The following TCL1B variants were observed in gnomAD, a reference collection of about 807,000 sequenced individuals.
The protein encoded by TCL1B is TCL1 family AKT coactivator B.
TCL1B carries 14 observed loss-of-function variants against 16.9 expected under a neutral mutation model. The ratio of observed to expected loss-of-function variants is 0.83; its 90% CI spans 0.55 to 1.30. The LOEUF (loss-of-function observed/expected upper bound fraction) is 1.30. TCL1B is among the 50% of genes most tolerant of loss of function. The pLI is 0.00. For missense variants in TCL1B, 166 were observed against 165.2 expected (o/e 1.00, Z -0.03); for synonymous variants, 79 against 66.6 (o/e 1.19, Z -0.91).
At position 95,690,793 on chromosome 14, in the gene TCL1B, C is replaced by T. The variant is rs146645952; in HGVS notation, c.220C>T (p.Leu74Phe). The change falls in exon 2 of 4, where the codon CTC (leucine) becomes TTC (phenylalanine). Residue 74 changes from leucine (L) to phenylalanine (F), a missense_variant. By Grantham distance (22) the Leu-to-Phe change is conservative. Transcript: ENST00000340722. Reference sequence around the variant, plus strand: ...GATGGCAGTGCATACCCGGGAGCTACTCTCCTCCGGCCAGATGCCCTTCTC... The same window carrying T: ...GATGGCAGTGCATACCCGGGAGCTATTCTCCTCCGGCCAGATGCCCTTCTC... ...WQMAVHTREL[L>F]SSGQMPFSQL... is the part of the protein sequence containing the mutation. 55 of 1,614,240 alleles carry T rather than the reference C, an allele frequency of 3.4e-5. 1 individual carries two copies. In the East Asian group the frequency reaches 1.2e-3, roughly 34 times the overall value.
In TCL1B at chr14:95,686,555, A is replaced by T. The variant is rs1438651638; in HGVS notation, c.88A>T (p.Arg30Ter). The stretch of plus-strand genomic sequence containing the variant: ...TGGCATCTACGAAGATGAGGAGGGG[A>T]GAACCTGGGTGACTGTGGTCGTGCG... ...RPGIYEDEEG[R>*]TWVTVVVRFN... Residue 30 changes from arginine (R) to a stop codon, truncating the protein, a stop_gained, in exon 1 of 4, where the codon AGA becomes TGA. Coordinates refer to ENST00000340722, the MANE Select transcript of TCL1B (RefSeq NM_004918.4). LOFTEE classifies it high-confidence loss of function. 1 of 1,613,764 alleles carries T rather than the reference A, an allele frequency of 6.2e-7. No homozygotes were observed. The highest frequency in any genetic ancestry group is 1.7e-5 in the Admixed American group (1 of 60,000).
At position 95,692,092 on chromosome 14, in the gene TCL1B, T is replaced by C. The variant is rs1885899158; in HGVS notation, c.*177T>C. ...CAGTTTCTCTCGTTTTCCTTAGTTA[T>C]CAGTCCTGTCCTGTCCCACTCAGGT... On this transcript the variant is annotated 3_prime_UTR_variant, in exon 4 of 4. Transcript: ENST00000340722. The C allele has an allele frequency of 6.6e-6, 1 of 152,504 alleles. No homozygotes were observed. Among genetic ancestry groups the C allele is most frequent in the African/African-American group, 2.4e-5 (1 of 41,452 alleles). 9.4% of individuals were successfully genotyped at this position (152,504 alleles called of 1,614,324 possible).
At position 95,690,772 on chromosome 14, in the gene TCL1B, G is replaced by T; in HGVS notation, c.199G>T (p.Ala67Ser). Residue 67 changes from alanine (A) to serine (S), a missense_variant, in exon 2 of 4, where the codon GCA (alanine) becomes TCA (serine). Physicochemically the swap from Ala to Ser is moderately conservative, Grantham distance 99. Transcript: ENST00000340722. ...PSITVHLWQM[A>S]VHTRELLSSG... is the part of the protein sequence containing the mutation. ...CATCACAGTGCACTTGTGGCAGATG[G>T]CAGTGCATACCCGGGAGCTACTCTC... 1 of 1,614,156 alleles carries T rather than the reference G, an allele frequency of 6.2e-7. No homozygotes were observed. Among genetic ancestry groups the T allele is most frequent in the South Asian group, 1.1e-5 (1 of 91,078 alleles).
chr14:95,689,957 TATC>T (rs1043728825), intron 1 of TCL1B, among the ~76,000 whole-genome samples: 2 of 152,250 alleles, frequency 1.3e-5, no homozygotes, highest in African/African-American at 2.4e-5. Flanking sequence ...TTACTTTTCC[TATC>T]ATCTTTCTAA....
intron 1 of TCL1B, among the ~76,000 whole-genome samples, chr14:95,687,366 T>C (rs546766341): frequency 1.0e-3 from 155 of 152,068 alleles, no homozygotes; most frequent in African/African-American, 3.5e-3. Flanking sequence ...GGTGGGGAAT[T>C]GATTCCAGGA....
chr14:95,691,039 G>A, intron 2 of TCL1B, 133 bp downstream of exon 2: 1 of 1,205,320 alleles, frequency 8.3e-7, no homozygotes, highest in Non-Finnish European at 1.2e-6. Flanking sequence ...CTTCCTTCAA[G>A]GAGGCCTGAG....
In TCL1B at chr14:95,690,819, C is replaced by T; in HGVS notation, c.246C>T (p.Ser82=). 1 of 1,614,096 alleles carries T rather than the reference C, an allele frequency of 6.2e-7. No individual in the cohort carries two copies. Among genetic ancestry groups the T allele is most frequent in the South Asian group, 1.1e-5 (1 of 91,078 alleles). The change falls in exon 2 of 4, where the codon TCC becomes TCT. Residue 82 remains serine, a synonymous_variant. Coordinates refer to ENST00000340722, the MANE Select transcript of TCL1B (RefSeq NM_004918.4). ...ELLSSGQMPF[S]QLPAVWQLYP... ...TCTCCTCCGGCCAGATGCCCTTCTCCCAGCTGCCCGCCGTGTGGCAGCTCT... is the reference window on the plus strand; with the variant it reads ...TCTCCTCCGGCCAGATGCCCTTCTCTCAGCTGCCCGCCGTGTGGCAGCTCT...
At chr14:95,688,572 A>AC (rs753475103) in intron 1 of TCL1B, among the ~76,000 whole-genome samples, 60 of 152,166 alleles carry the variant, frequency 3.9e-4, no homozygotes, top group Admixed American at 1.3e-4. Context: ...CTGGATATAT[A>AC]CCCACAAGAC....
intron 1 of TCL1B, among the ~76,000 whole-genome samples, chr14:95,688,500 A>G (rs769668733): frequency 6.6e-6 from 1 of 152,214 alleles, no homozygotes; most frequent in Non-Finnish European, 1.5e-5. Context: ...TGCAGCCACT[A>G]TGGAAAACAG....
intron 1 of TCL1B, chr14:95,689,546 A>T (rs533144883): frequency 6.6e-6 from 1 of 152,240 alleles, no homozygotes; most frequent in Non-Finnish European, 1.5e-5. Context: ...TTCCACTTGG[A>T]GAGCTATGCT....
intron 3 of TCL1B, 140 bp downstream of exon 3, chr14:95,691,476 T>G: frequency 1.4e-6 from 1 of 714,042 alleles, no homozygotes; most frequent in Non-Finnish European, 2.3e-6. Context: ...GTCACCTCTG[T>G]TCCCCAGCCC....
rs933951846 is a variant in TCL1B, at chr14:95,692,421, T to C, written c.*506T>C. 3.9e-5 allele frequency: 6 copies of C among 152,354 alleles called. No homozygotes were observed. Among genetic ancestry groups the C allele is most frequent in the African/African-American group, 1.4e-4 (6 of 41,446 alleles). The allele number at this position is 152,354 out of a possible 1,614,324, so 9.4% of individuals were successfully genotyped here. A position where few individuals can be genotyped will look rare whatever the true frequency, so the allele number is the denominator to read the frequency against. ...ACTTGGATGCCCTGTGGGTATCAGT[T>C]CTGCTGACACTTTGGCCCGAAATAG... On this transcript the variant is annotated 3_prime_UTR_variant, in exon 4 of 4. Transcript: ENST00000340722.
chr14:95,687,361 G>A (rs1041951705), intron 1 of TCL1B, among the ~76,000 whole-genome samples: 10 of 151,872 alleles, frequency 6.6e-5, no homozygotes, highest in African/African-American at 2.4e-4. Context: ...GTGGCGGTGG[G>A]GAATTGATTC....
In TCL1B at chr14:95,686,517, G is replaced by T; in HGVS notation, c.50G>T (p.Trp17Leu). The T allele has an allele frequency of 6.2e-7, 1 of 1,613,614 alleles. No homozygotes were observed. The highest frequency in any genetic ancestry group is 1.7e-5 in the Admixed American group (1 of 59,970). Residue 17 changes from tryptophan (W) to leucine (L), a missense_variant, in exon 1 of 4, where the codon TGG becomes TTG. By Grantham distance (61) the Trp-to-Leu change is moderately conservative. Coordinates refer to ENST00000340722, the MANE Select transcript of TCL1B (RefSeq NM_004918.4). ...VRLGVPPGRL[W>L]IQRPGIYEDE... is the part of the protein sequence containing the mutation. ...CTAGGGGTGCCCCCTGGCCGTCTGT[G>T]GATCCAGAGGCCTGGCATCTACGAA...
At chr14:95,688,849 G>T (rs765693116) in intron 1 of TCL1B, among the ~76,000 whole-genome samples, 2 of 152,228 alleles carry the variant, frequency 1.3e-5, no homozygotes, top group African/African-American at 2.4e-5. Context: ...AATGGTAGCT[G>T]CCAGGGGCTG....
At chr14:95,691,394 T>A in intron 3 of TCL1B, 58 bp downstream of exon 3, 2 of 1,525,134 alleles carry the variant, frequency 1.3e-6, no homozygotes, top group Non-Finnish European at 1.8e-6. Flanking sequence ...AGAAGACCTC[T>A]CCTCTTTTCA....
At chr14:95,688,248 T>G (rs1380889870) in intron 1 of TCL1B, 1 of 152,054 alleles carries the variant, frequency 6.6e-6, no homozygotes, top group Non-Finnish European at 1.5e-5. Context: ...CTGCCCACCT[T>G]GGCCTCCCAA....
At chr14:95,689,169 C>G (rs1044204468) in intron 1 of TCL1B, 1 of 152,064 alleles carries the variant, frequency 6.6e-6, no homozygotes, top group Non-Finnish European at 1.5e-5. Flanking sequence ...CGTCTGTAGT[C>G]CCAGCTACTC....
intron 3 of TCL1B, 68 bp downstream of exon 3, chr14:95,691,404 A>G (rs1254194440): frequency 4.1e-6 from 6 of 1,475,372 alleles, no homozygotes; most frequent in Non-Finnish European, 5.6e-6. Context: ...TCCTCTTTTC[A>G]GAAAGACGGC....
Sources: allele counts gnomAD v4.1 joint callset (sites outside exome capture counted in the v4.1 genomes callset), GRCh38; gene constraint gnomAD v4.1.1; transcripts MANE v1.5; gene names NCBI Gene and HGNC (gene_info 2026-07-23, HGNC 2026-07-21).